Variants in PLD5 observed in about 807,000 individuals in gnomAD.
PLD5 encodes the protein phospholipase D family member 5, also known as inactive phospholipase D5.
A neutral mutation model predicts 61.1 loss-of-function variants in PLD5; 36 were observed. The ratio of observed to expected loss-of-function variants is 0.59; its 90% CI spans 0.45 to 0.78. The LOEUF (loss-of-function observed/expected upper bound fraction) is 0.78, where lower values mean the gene tolerates loss of function less well. Among genes scored for constraint, PLD5 ranks in the 30% least tolerant of loss-of-function variants. PLD5 has a pLI of 0.00. For synonymous variants in PLD5, 243 were observed against 242.8 expected, an observed-to-expected ratio of 1.00 and a Z score of -0.01; for missense variants, 515 against 644.4, an observed-to-expected ratio of 0.80 and a Z score of 2.17.
intron 1 of PLD5, among the ~76,000 whole-genome samples, chr1:242,467,268 T>C (rs906851488): frequency 1.3e-5 from 2 of 152,172 alleles, no homozygotes; most frequent in Non-Finnish European, 2.9e-5. Flanking sequence ...AAAGAAACTT[T>C]GTCTTTCTCT....
chr1:242,529,287 GAA>G (rs1045669943), upstream of PLD5, among the ~76,000 whole-genome samples: 687 of 152,256 alleles, frequency 4.5e-3, 5 homozygotes, highest in African/African-American at 0.016. Context: ...AAATGACAAT[GAA>G]GGTTTTTTAA....
At chr1:242,131,781 A>G (rs1663274120) in intron 5 of PLD5, among the ~76,000 whole-genome samples, 1 of 151,778 alleles carries the variant, frequency 6.6e-6, no homozygotes, top group African/African-American at 2.4e-5. Context: ...CAAAATAAAA[A>G]TAAGAATTAG....
chr1:242,132,584 A>G (rs1663381796), intron 5 of PLD5, among the ~76,000 whole-genome samples: 1 of 152,116 alleles, frequency 6.6e-6, no homozygotes, highest in Non-Finnish European at 1.5e-5. Flanking sequence ...TAGGAGCTCT[A>G]AGTTGATTTT....
At chr1:242,469,789 C>G (rs1667384705) in intron 1 of PLD5, among the ~76,000 whole-genome samples, 1 of 152,138 alleles carries the variant, frequency 6.6e-6, no homozygotes, top group Non-Finnish European at 1.5e-5. Flanking sequence ...GCCAGCATCC[C>G]CATCCAGCAC....
intron 1 of PLD5, among the ~76,000 whole-genome samples, chr1:242,418,796 C>A (rs774657732): frequency 3.3e-5 from 5 of 152,196 alleles, no homozygotes; most frequent in South Asian, 2.1e-4. Flanking sequence ...TCCAGCAACA[C>A]TTCTGCTGTT....
At chr1:242,296,040 C>T (rs945405525) in intron 2 of PLD5, among the ~76,000 whole-genome samples, 3 of 152,162 alleles carry the variant, frequency 2.0e-5, no homozygotes, top group African/African-American at 7.2e-5. Context: ...GATTACTAAC[C>T]TCTTTCAATC....
intron 2 of PLD5, among the ~76,000 whole-genome samples, chr1:242,319,571 T>C (rs1658251105): frequency 6.6e-6 from 1 of 152,270 alleles, no homozygotes; most frequent in East Asian, 1.9e-4. Flanking sequence ...AAAGGGTATA[T>C]ACCTCCCTCA....
chr1:242,376,293 C>T (rs1233781415), intron 1 of PLD5, among the ~76,000 whole-genome samples: 2 of 152,134 alleles, frequency 1.3e-5, no homozygotes. Context: ...AAACGAGCAA[C>T]CTGCAAGACT....
At chr1:242,197,256 A>G (rs930716469) in intron 5 of PLD5, among the ~76,000 whole-genome samples, 3 of 152,144 alleles carry the variant, frequency 2.0e-5, no homozygotes, top group Non-Finnish European at 4.4e-5. Flanking sequence ...TTTCTGCAGG[A>G]CTTCCTAAAT....
intron 1 of PLD5, among the ~76,000 whole-genome samples, chr1:242,484,771 G>T (rs2102967584): frequency 6.6e-6 from 1 of 152,264 alleles, no homozygotes; most frequent in East Asian, 1.9e-4. Flanking sequence ...GAGAATTTTA[G>T]ACCAATATCC....
chr1:242,418,585 G>A (rs910170305), intron 1 of PLD5, among the ~76,000 whole-genome samples: 5 of 152,038 alleles, frequency 3.3e-5, no homozygotes, highest in South Asian at 2.1e-4. Flanking sequence ...GGGGAGTCTT[G>A]GAAACTCCGC....
At chr1:242,468,367 A>AT (rs1254218535) in intron 1 of PLD5, among the ~76,000 whole-genome samples, 1 of 152,116 alleles carries the variant, frequency 6.6e-6, no homozygotes, top group Non-Finnish European at 1.5e-5. Context: ...AATTATCCTT[A>AT]TTTTTTTCAT....
chr1:242,162,491 C>G (rs528812906), intron 5 of PLD5, among the ~76,000 whole-genome samples: 58 of 152,212 alleles, frequency 3.8e-4, no homozygotes, highest in Non-Finnish European at 8.4e-4. Context: ...AATTGTGTAG[C>G]CCAAATCCCC....
At chr1:242,144,769 A>AAACCCTGTTTC (rs1324747161) in intron 5 of PLD5, among the ~76,000 whole-genome samples, 1 of 152,106 alleles carries the variant, frequency 6.6e-6, no homozygotes, top group Non-Finnish European at 1.5e-5. Context: ...TGACAGAGTG[A>AAACCCTGTTTC]AACCCTGTCT....
chr1:242,176,171 C>G (rs1161030270), intron 5 of PLD5, among the ~76,000 whole-genome samples: 1 of 152,162 alleles, frequency 6.6e-6, no homozygotes, highest in African/African-American at 2.4e-5. Flanking sequence ...CATCATGCTA[C>G]CTGACTTCAA....
intron 9 of PLD5, 29 bp from the exon 10 acceptor site, chr1:242,090,139 G>A (rs578094652): frequency 6.2e-7 from 1 of 1,612,058 alleles, no homozygotes; most frequent in East Asian, 2.2e-5. Flanking sequence ...ATAATGTTGA[G>A]GAGTTAGAGT....
chr1:242,443,379 A>G (rs578085346), intron 1 of PLD5, among the ~76,000 whole-genome samples: 2 of 152,262 alleles, frequency 1.3e-5, no homozygotes, highest in Admixed American at 1.3e-4. Flanking sequence ...TGCTCTCCTT[A>G]TATCTATGTG....
chr1:242,372,348 G>A (rs924838190), intron 1 of PLD5, among the ~76,000 whole-genome samples: 13 of 152,050 alleles, frequency 8.5e-5, no homozygotes, highest in African/African-American at 2.7e-4. Flanking sequence ...AATCAATATC[G>A]TGAAAATGGC....
At chr1:242,229,417 C>T (rs931939789) in intron 4 of PLD5, among the ~76,000 whole-genome samples, 1 of 152,136 alleles carries the variant, frequency 6.6e-6, no homozygotes, top group Non-Finnish European at 1.5e-5. Flanking sequence ...AAAATGGATA[C>T]TTGTGAATCT....
Sources: gnomAD v4.1 joint callset for allele counts (sites outside exome capture counted in the v4.1 genomes callset) on GRCh38, gnomAD v4.1.1 for gene constraint, MANE v1.5 for transcripts, NCBI Gene and HGNC (gene_info 2026-07-23, HGNC 2026-07-21) for gene names.